Variants in CORO2B observed in about 807,000 individuals in gnomAD.
CORO2B encodes the protein coronin 2B.
A neutral mutation model predicts 58.8 loss-of-function variants in CORO2B; 26 were observed. The observed-to-expected ratio is 0.44, with a 90% confidence interval of 0.32 to 0.61. CORO2B has a LOEUF of 0.61. CORO2B is among the 20% of genes least tolerant of loss of function. CORO2B has a pLI of 0.04. For synonymous variants in CORO2B, 242 were observed against 253.8 expected (o/e 0.95, Z 0.44); for missense variants, 460 against 645.1 (o/e 0.71, Z 3.11).
chr15:68,695,530 G>A (rs552198063), intron 3 of CORO2B, among the ~76,000 whole-genome samples: 5 of 152,256 alleles, frequency 3.3e-5, no homozygotes, highest in African/African-American at 7.2e-5. Flanking sequence ...AAAATTAAGC[G>A]TGTGATTCAG....
At chr15:68,607,620 C>G (rs973761738) in intron 1 of CORO2B, among the ~76,000 whole-genome samples, 3 of 151,982 alleles carry the variant, frequency 2.0e-5, no homozygotes, top group African/African-American at 7.3e-5. Flanking sequence ...GAGTTTGAGA[C>G]CAGCCTGGGT....
chr15:68,701,643 G>A, intron 3 of CORO2B, among the ~76,000 whole-genome samples: 1 of 151,808 alleles, frequency 6.6e-6, no homozygotes, highest in Admixed American at 6.6e-5. Context: ...GCGCCACCAT[G>A]CCCGGCTAAT....
At chr15:68,537,728 A>T in the CORO2B span, among the ~76,000 whole-genome samples, 68 of 152,298 alleles carry the variant, frequency 4.5e-4, no homozygotes, top group African/African-American at 1.4e-3. Flanking sequence ...CCCGCTTATA[A>T]GTAAGAACAT....
intron 9 of CORO2B, 69 bp downstream of exon 9, chr15:68,718,879 A>G: frequency 7.4e-7 from 1 of 1,347,956 alleles, no homozygotes; most frequent in Admixed American, 1.8e-5. Context: ...ACCACTGACC[A>G]TGACCCTGGA....
chr15:68,639,823 AG>A (rs1901151294), intron 1 of CORO2B, among the ~76,000 whole-genome samples: 1 of 152,224 alleles, frequency 6.6e-6, no homozygotes, highest in Non-Finnish European at 1.5e-5. Context: ...AATATGTCCC[AG>A]TCTTGCGCCT....
intron 3 of CORO2B, among the ~76,000 whole-genome samples, chr15:68,705,310 C>T (rs148204021): frequency 1.9e-3 from 289 of 151,930 alleles, no homozygotes; most frequent in Middle Eastern, 6.8e-3. Context: ...TGGTGGTGGG[C>T]GCCTATAATC....
intron 6 of CORO2B, 90 bp downstream of exon 6, chr15:68,714,131 C>A: frequency 2.5e-6 from 2 of 794,750 alleles, no homozygotes; most frequent in Non-Finnish European, 4.2e-6. Context: ...AGCCTGGGCC[C>A]GCACACCAGC....
intron 1 of CORO2B, among the ~76,000 whole-genome samples, chr15:68,610,369 C>T (rs1900219976): frequency 6.6e-6 from 1 of 152,102 alleles, no homozygotes; most frequent in Admixed American, 6.5e-5. Flanking sequence ...CTGGCTTGGG[C>T]CCTGCATGCA....
At chr15:68,590,433 G>A (rs1435506251) in intron 1 of CORO2B, among the ~76,000 whole-genome samples, 1 of 152,106 alleles carries the variant, frequency 6.6e-6, no homozygotes, top group Non-Finnish European at 1.5e-5. Context: ...CTTTTCAGAG[G>A]GGGAGACAGC....
the CORO2B span, among the ~76,000 whole-genome samples, chr15:68,533,307 T>G: frequency 2.0e-5 from 3 of 152,220 alleles, no homozygotes; most frequent in Non-Finnish European, 4.4e-5. Flanking sequence ...TGGATTCTGT[T>G]GCTGTATTAT....
At chr15:68,549,849 G>A in the CORO2B span, among the ~76,000 whole-genome samples, 9 of 152,208 alleles carry the variant, frequency 5.9e-5, no homozygotes, top group South Asian at 1.0e-3. Flanking sequence ...GCTGAGGCAG[G>A]AGAATTGCTT....
At chr15:68,666,744 C>G (rs1902204397) in intron 2 of CORO2B, among the ~76,000 whole-genome samples, 1 of 152,132 alleles carries the variant, frequency 6.6e-6, no homozygotes, top group South Asian at 2.1e-4. Flanking sequence ...CTCTCTAAGC[C>G]CATGTGCTGG....
At chr15:68,545,830 AT>A in the CORO2B span, among the ~76,000 whole-genome samples, 2 of 152,202 alleles carry the variant, frequency 1.3e-5, no homozygotes, top group African/African-American at 4.8e-5. Flanking sequence ...CAGGTGGGGC[AT>A]CCCCAGCCCT....
chr15:68,617,660 T>A (rs1900398054), intron 1 of CORO2B, among the ~76,000 whole-genome samples: 1 of 152,146 alleles, frequency 6.6e-6, no homozygotes, highest in Admixed American at 6.5e-5. Context: ...TCTCTCCCTT[T>A]TGGGTGGGCA....
the CORO2B span, among the ~76,000 whole-genome samples, chr15:68,549,050 C>T: frequency 6.8e-6 from 1 of 147,464 alleles, no homozygotes; most frequent in Non-Finnish European, 1.5e-5. Flanking sequence ...AAAGATACTC[C>T]TCTTCTTCCT....
the CORO2B span, among the ~76,000 whole-genome samples, chr15:68,550,600 G>A: frequency 6.8e-3 from 1,039 of 152,278 alleles, 11 homozygotes; most frequent in African/African-American, 0.024. Context: ...ACTTTTTAGG[G>A]ACCGTTATTA....
At chr15:68,630,080 C>T (rs565701287) in intron 1 of CORO2B, among the ~76,000 whole-genome samples, 57 of 152,216 alleles carry the variant, frequency 3.7e-4, no homozygotes, top group Non-Finnish European at 6.6e-4. Flanking sequence ...CACCAGGCAC[C>T]GTGCCAGATG....
At chr15:68,571,852 C>A in the CORO2B span, among the ~76,000 whole-genome samples, 1 of 152,168 alleles carries the variant, frequency 6.6e-6, no homozygotes, top group Non-Finnish European at 1.5e-5. Context: ...ATGGCAATGC[C>A]TGGAGGTATT....
At chr15:68,684,822 G>A (rs1902908444) in intron 2 of CORO2B, among the ~76,000 whole-genome samples, 1 of 152,240 alleles carries the variant, frequency 6.6e-6, no homozygotes, top group South Asian at 2.1e-4. Context: ...TCAGGCCCGG[G>A]AGCCTGGGAC....
Sources: allele counts gnomAD v4.1 joint callset (sites outside exome capture counted in the v4.1 genomes callset), GRCh38; gene constraint gnomAD v4.1.1; transcripts MANE v1.5; gene names NCBI Gene and HGNC (gene_info 2026-07-23, HGNC 2026-07-21).